AK4: variants seen among roughly 807,000 people sequenced by gnomAD.
AK4 encodes adenylate kinase 4, mitochondrial.
In AK4, 13 loss-of-function variants were observed where a neutral mutation model predicts 24.6. The observed-to-expected ratio is 0.53, with a 90% confidence interval of 0.34 to 0.84. AK4 has a LOEUF of 0.84. AK4 is among the 40% of genes least tolerant of loss of function. The probability of loss-of-function intolerance (pLI) is 0.01; values close to 1 mark genes in which losing one functional copy is unlikely to be tolerated. For synonymous variants in AK4, 88 were observed against 107.0 expected, an observed-to-expected ratio of 0.82 and a Z score of 1.10; for missense variants, 192 against 288.2, an observed-to-expected ratio of 0.67 and a Z score of 2.42.
rs1651776603 is a variant in AK4, at chr1:65,205,125, G to A, written c.266-13629G>A. On this transcript the variant is annotated intron_variant, in intron 2 of 4. Coordinates refer to ENST00000327299, the MANE Select transcript of AK4 (RefSeq NM_013410.4). ...GCAGAAGAGCTCATAATATGTTTGA[G>A]AATGTCTAATTTTTTAAAATTAGCT... Among the ~76,000 whole-genome samples, 9 of 152,248 alleles carry A rather than the reference G, an allele frequency of 5.9e-5. No homozygotes were observed. In the South Asian group the frequency reaches 1.9e-3, roughly 32 times the overall value.
intron 1 of AK4, among the ~76,000 whole-genome samples, chr1:65,173,629 G>A (rs1006125877): frequency 1.3e-5 from 2 of 152,174 alleles, no homozygotes; most frequent in Non-Finnish European, 2.9e-5. Context: ...CACTGTGGGA[G>A]GCCAAGGTGG....
chr1:65,204,388 A>G (rs917768432), intron 2 of AK4, among the ~76,000 whole-genome samples: 18 of 151,870 alleles, frequency 1.2e-4, no homozygotes, highest in African/African-American at 4.1e-4. Flanking sequence ...TTTGATAGAG[A>G]CAGGGTTTCA....
intron 2 of AK4, among the ~76,000 whole-genome samples, chr1:65,213,868 G>A (rs1274412510): frequency 6.6e-6 from 1 of 152,126 alleles, no homozygotes; most frequent in Admixed American, 6.5e-5. Context: ...ATTAGGGTGG[G>A]CCCCAATCCA....
At chr1:65,217,486 GGT>G (rs1241155153) in intron 2 of AK4, among the ~76,000 whole-genome samples, 1 of 152,094 alleles carries the variant, frequency 6.6e-6, no homozygotes, top group Non-Finnish European at 1.5e-5. Context: ...TCATCTACCT[GGT>G]TCTTTAACTA....
At chr1:65,193,860 A>G (rs368743186) in intron 2 of AK4, among the ~76,000 whole-genome samples, 1 of 152,252 alleles carries the variant, frequency 6.6e-6, no homozygotes, top group East Asian at 1.9e-4. Context: ...TAATCCCAAC[A>G]CTTTGGGAAG....
intron 2 of AK4, among the ~76,000 whole-genome samples, chr1:65,205,211 C>G (rs940302569): frequency 6.6e-6 from 1 of 152,118 alleles, no homozygotes; most frequent in Non-Finnish European, 1.5e-5. Context: ...GTTACATTTT[C>G]TTCTGGCCTG....
chr1:65,148,197 G>C, upstream of AK4: 1 of 1,055,694 alleles, frequency 9.5e-7, no homozygotes. Flanking sequence ...GTGTAGCGTG[G>C]CGCTCAGTCC....
chr1:65,197,277 A>G (rs1651502164), intron 2 of AK4, among the ~76,000 whole-genome samples: 1 of 152,164 alleles, frequency 6.6e-6, no homozygotes, highest in African/African-American at 2.4e-5. Flanking sequence ...AAGTTCCCCA[A>G]ATCGGTTCTA....
chr1:65,229,924 A>T lies in AK4; in HGVS notation c.*3747A>T, dbSNP rs1172750832. The T allele has an allele frequency of 1.3e-5, 2 of 152,358 alleles. No homozygotes were observed. The highest frequency in any genetic ancestry group is 3.8e-4 in the East Asian group (2 of 5,198). The allele number at this position is 152,358 out of a possible 1,614,324, so 9.4% of individuals were successfully genotyped here. A position where few individuals can be genotyped will look rare whatever the true frequency, so the allele number is the denominator to read the frequency against. ...TCCCACTCCAAACAAGGCCTTGATG[A>T]TAAACTAATCCTTCCTAAAATGCTG... On this transcript the variant is annotated 3_prime_UTR_variant, in exon 5 of 5. Transcript: ENST00000327299.
chr1:65,218,131 T>G (rs924835327), intron 2 of AK4, among the ~76,000 whole-genome samples: 1 of 152,234 alleles, frequency 6.6e-6, no homozygotes, highest in African/African-American at 2.4e-5. Context: ...TTGGTTAAAG[T>G]GCAGACTCAG....
rs116013011 is a variant in AK4 at position 65,178,522 on chromosome 1, G to T, written c.146-12188G>T. Among the ~76,000 whole-genome samples, 910 of 152,346 alleles carry T rather than the reference G, an allele frequency of 6.0e-3. 10 individuals are homozygous for T. The highest frequency in any genetic ancestry group is 0.021 in the African/African-American group (875 of 41,576). On this transcript the variant is annotated intron_variant, in intron 1 of 4. Coordinates refer to ENST00000327299, the MANE Select transcript of AK4 (RefSeq NM_013410.4). ...CACCTCTGTAGTACAGACACCGAATGAACTAACTTTAGCCCATGTGCTGGT... is the reference window on the plus strand; with the variant it reads ...CACCTCTGTAGTACAGACACCGAATTAACTAACTTTAGCCCATGTGCTGGT...
chr1:65,220,174 A>G (rs1652254303), intron 3 of AK4, among the ~76,000 whole-genome samples: 1 of 152,176 alleles, frequency 6.6e-6, no homozygotes, highest in Non-Finnish European at 1.5e-5. Flanking sequence ...GGCATTTATG[A>G]ATAAAGCTGC....
intron 2 of AK4, among the ~76,000 whole-genome samples, chr1:65,214,882 C>T (rs150969956): frequency 1.4e-3 from 215 of 152,274 alleles, no homozygotes; most frequent in Non-Finnish European, 2.7e-3. Flanking sequence ...TCCTTCCCAG[C>T]TCACTTCTGA....
At chr1:65,152,405 TTTTTTTTTTTTTTTTG>T in intron 1 of AK4, among the ~76,000 whole-genome samples, 2 of 91,392 alleles carry the variant, frequency 2.2e-5, no homozygotes, top group African/African-American at 8.0e-5. Context: ...TTTTTTTTTT[TTTTTTTTTTTTTTTTG>T]AGCCGGAGTC....
intron 3 of AK4, among the ~76,000 whole-genome samples, chr1:65,224,425 C>T (rs899440400): frequency 6.6e-6 from 1 of 152,064 alleles, no homozygotes; most frequent in Non-Finnish European, 1.5e-5. Flanking sequence ...ATTTAGAGAA[C>T]CAAGATGACA....
chr1:65,199,810 T>C (rs1651608342), intron 2 of AK4, among the ~76,000 whole-genome samples: 1 of 152,172 alleles, frequency 6.6e-6, no homozygotes. Flanking sequence ...TGGTTGGGTA[T>C]CTCTAATCCA....
chr1:65,151,224 C>T (rs1649761678), intron 1 of AK4, among the ~76,000 whole-genome samples: 1 of 152,242 alleles, frequency 6.6e-6, no homozygotes, highest in African/African-American at 2.4e-5. Context: ...GTCTTGGCCT[C>T]CCAAAGTGCT....
chr1:65,218,654 A>G, intron 2 of AK4, 100 bp from the exon 3 acceptor site: 2 of 1,167,032 alleles, frequency 1.7e-6, no homozygotes, highest in East Asian at 5.7e-5. Flanking sequence ...TCCTTTTAGA[A>G]TGGTATATGC....
chr1:65,196,841 G>A (rs1570115672), intron 2 of AK4, among the ~76,000 whole-genome samples: 1 of 152,090 alleles, frequency 6.6e-6, no homozygotes, highest in Admixed American at 6.6e-5. Flanking sequence ...CCCGAGACTG[G>A]GTAATTTATA....
Sources: allele counts gnomAD v4.1 joint callset (sites outside exome capture counted in the v4.1 genomes callset), GRCh38; gene constraint gnomAD v4.1.1; transcripts MANE v1.5; gene names NCBI Gene and HGNC (gene_info 2026-07-23, HGNC 2026-07-21).